The following KLC2 variants were observed in gnomAD, a reference collection of about 807,000 sequenced individuals.
KLC2 encodes the protein kinesin light chain 2.
KLC2 carries 35 observed loss-of-function variants against 75.1 expected under a neutral mutation model. The ratio of observed to expected loss-of-function variants is 0.47; its 90% CI spans 0.36 to 0.62. The LOEUF (loss-of-function observed/expected upper bound fraction) is 0.62. KLC2 is among the 20% of genes least tolerant of loss of function. The pLI, the probability that KLC2 is intolerant of heterozygous loss-of-function variation, is 0.00. For synonymous variants in KLC2, 314 were observed against 336.7 expected (o/e 0.93, Z 0.74); for missense variants, 611 against 833.2 (o/e 0.73, Z 3.28).
rs537111330 is a variant in KLC2 at position 66,265,298 on chromosome 11, T to C, written c.1334+63T>C. On this transcript the variant is annotated intron_variant, in intron 11 of 15. Coordinates refer to ENST00000394067, the MANE Select transcript of KLC2 (RefSeq NM_001318734.2). Reference sequence around the variant, plus strand: ...GCAGGGCGGGCTCCACATTCCATACTCTCACCCCCAACACACCCCTCCTCT... The same window carrying C: ...GCAGGGCGGGCTCCACATTCCATACCCTCACCCCCAACACACCCCTCCTCT... 68 of 1,418,326 alleles carry C rather than the reference T, an allele frequency of 4.8e-5. No homozygotes were observed. In the South Asian group the frequency reaches 7.9e-4, roughly 16 times the overall value. The allele number at this position is 1,418,326 out of a possible 1,614,324, so 87.9% of individuals were successfully genotyped here. A position where few individuals can be genotyped will look rare whatever the true frequency, so the allele number is the denominator to read the frequency against.
chr11:66,257,798 C>G lies in KLC2; in HGVS notation c.-85C>G, dbSNP rs941324699. The G allele has an allele frequency of 6.6e-6, 1 of 152,628 alleles. No homozygotes were observed. Among genetic ancestry groups the G allele is most frequent in the African/African-American group, 2.4e-5 (1 of 41,450 alleles). 9.5% of individuals were successfully genotyped at this position (152,628 alleles called of 1,614,324 possible). On this transcript the variant is annotated 5_prime_UTR_variant, in exon 1 of 16. Coordinates refer to ENST00000394067, the MANE Select transcript of KLC2 (RefSeq NM_001318734.2). ...GGCCGGCGGGATGGAGGCGGCGGGACCGGCTCGCGGGTGCGGGTCCGGGTG... is the reference window on the plus strand; with the variant it reads ...GGCCGGCGGGATGGAGGCGGCGGGAGCGGCTCGCGGGTGCGGGTCCGGGTG...
chr11:66,262,730 A>G (rs931598140), intron 4 of KLC2, 84 bp from the exon 5 acceptor site: 6 of 966,774 alleles, frequency 6.2e-6, no homozygotes, highest in African/African-American at 4.8e-5. Context: ...CCATGTGTCA[A>G]GTGGCTCAAA....
the KLC2 span, among the ~76,000 whole-genome samples, chr11:66,251,857 C>G: frequency 6.6e-6 from 1 of 152,328 alleles, no homozygotes; most frequent in Non-Finnish European, 1.5e-5. Context: ...TTGGACAGGA[C>G]TTAGTGCTAT....
chr11:66,262,743 C>A, intron 4 of KLC2, 71 bp from the exon 5 acceptor site: 1 of 1,156,302 alleles, frequency 8.6e-7, no homozygotes, highest in Non-Finnish European at 1.3e-6. Context: ...GGCTCAAAGG[C>A]ACAGCTGGCA....
Position 66,267,825 on chromosome 11 carries a change from G to C in KLC2, c.*869G>C. ...TGAGGCGGCTGCTCTCATATTTTCA[G>C]ATGTTGCTGTAGAAATAAAGACGGT... On this transcript the variant is annotated 3_prime_UTR_variant, in exon 16 of 16. Transcript: ENST00000394067. 2.3e-6 allele frequency: 1 copy of C among 442,542 alleles called. No individual in the cohort carries two copies. Among genetic ancestry groups the C allele is most frequent in the South Asian group, 5.9e-5 (1 of 16,822 alleles). The allele number at this position is 442,542 out of a possible 1,614,324, so 27.4% of individuals were successfully genotyped here.
At position 66,263,962 on chromosome 11, in the gene KLC2, G is replaced by A. The variant is rs760704011; in HGVS notation, c.942+10G>A. ...GGAGATCCGGGAGAAGGTGGGAACA[G>A]GCAGGGCTGGGCAGGCTGGGGGTCT... On this transcript the variant is annotated intron_variant, in intron 7 of 15. Transcript: ENST00000394067. The A allele has an allele frequency of 2.5e-6, 4 of 1,613,470 alleles. No homozygotes were observed. Among genetic ancestry groups the A allele is most frequent in the African/African-American group, 1.3e-5 (1 of 75,016 alleles).
chr11:66,248,428 T>C, the KLC2 span, among the ~76,000 whole-genome samples: 2 of 152,100 alleles, frequency 1.3e-5, no homozygotes, highest in African/African-American at 4.8e-5. Flanking sequence ...AAGACCAGCC[T>C]AGCCAATGTG....
At position 66,262,977 on chromosome 11, in the gene KLC2, G is replaced by A. The variant is rs371243262; in HGVS notation, c.693G>A (p.Thr231=). ...AGGCACTCGAAGACCTGGAGAAGACGTCAGGCCACGACCACCCTGACGTTG... is the reference window on the plus strand; with the variant it reads ...AGGCACTCGAAGACCTGGAGAAGACATCAGGCCACGACCACCCTGACGTTG... ...CKQALEDLEK[T]SGHDHPDVAT... Residue 231 remains threonine (T), a synonymous_variant, in exon 5 of 16, where the codon ACG becomes ACA. Coordinates refer to ENST00000394067, the MANE Select transcript of KLC2 (RefSeq NM_001318734.2). The A allele has an allele frequency of 1.5e-4, 248 of 1,614,088 alleles. No individual in the cohort carries two copies. Among genetic ancestry groups the A allele is most frequent in the Non-Finnish European group, 1.9e-4 (228 of 1,179,992 alleles).
chr11:66,262,378 C>G lies in KLC2; in HGVS notation c.529+186C>G, dbSNP rs913026735. The G allele has an allele frequency of 2.6e-5, 16 of 608,716 alleles. No individual in the cohort carries two copies. In the East Asian group the frequency reaches 3.9e-4, roughly 15 times the overall value. 37.7% of individuals were successfully genotyped at this position (608,716 alleles called of 1,614,324 possible). A position where few individuals can be genotyped will look rare whatever the true frequency, so the allele number is the denominator to read the frequency against. The stretch of plus-strand genomic sequence containing the variant: ...TCCCCCCAGCTCTGTGGTGAGCAGA[C>G]ATCACAATTAGCTGTGGAGTCACCA... On this transcript the variant is annotated intron_variant, in intron 4 of 15. Coordinates refer to ENST00000394067, the MANE Select transcript of KLC2 (RefSeq NM_001318734.2).
At chr11:66,263,074 G>A (rs770641173) in intron 5 of KLC2, 38 bp downstream of exon 5, 1 of 1,504,858 alleles carries the variant, frequency 6.6e-7, no homozygotes, top group Admixed American at 1.7e-5. Context: ...TCTTCTGGAA[G>A]GCTCCAGCCC....
intron 2 of KLC2, among the ~76,000 whole-genome samples, chr11:66,260,074 G>A (rs540439957): frequency 1.3e-5 from 2 of 152,196 alleles, no homozygotes; most frequent in Non-Finnish European, 2.9e-5. Context: ...TGCCTGGCAC[G>A]TGAACCCTGG....
Position 66,262,753 on chromosome 11 carries a change from A to T in KLC2, c.530-61A>T. 3.2e-6 allele frequency: 4 copies of T among 1,267,190 alleles called. No individual in the cohort carries two copies. The South Asian group carries it at 5.0e-5, about 16-fold the overall frequency. 78.5% of individuals were successfully genotyped at this position (1,267,190 alleles called of 1,614,324 possible). ...CAAGTGGCTCAAAGGCACAGCTGGC[A>T]TGTGCCATCCCAGTCCAGTGGGCAG... On this transcript the variant is annotated intron_variant, in intron 4 of 15. Coordinates refer to ENST00000394067, the MANE Select transcript of KLC2 (RefSeq NM_001318734.2).
At position 66,265,977 on chromosome 11, in the gene KLC2, C is replaced by T. The variant is rs1323157812; in HGVS notation, c.1567C>T (p.Leu523Phe). 2.5e-6 allele frequency: 4 copies of T among 1,610,030 alleles called. No individual in the cohort carries two copies. Among genetic ancestry groups the T allele is most frequent in the South Asian group, 1.1e-5 (1 of 90,796 alleles). The change falls in exon 13 of 16, where the codon CTC becomes TTC. Residue 523 changes from leucine to phenylalanine, a missense_variant. By Grantham distance (22) the Leu-to-Phe change is conservative. Coordinates refer to ENST00000394067, the MANE Select transcript of KLC2 (RefSeq NM_001318734.2). The stretch of plus-strand genomic sequence containing the variant: ...TGCCGGGCCTCGGTCTGAGTCTGAC[C>T]TCGAGGACGTGGGACCTACAGCTGA... ...GGAGPRSESD[L>F]EDVGPTAEWN...
upstream of KLC2, among the ~76,000 whole-genome samples, chr11:66,254,764 A>G (rs377590997): frequency 6.6e-6 from 1 of 151,700 alleles, no homozygotes; most frequent in African/African-American, 2.4e-5. Context: ...TATCTCTACT[A>G]AAAACACAAA....
chr11:66,244,873 A>G, the KLC2 span: 4 of 152,308 alleles, frequency 2.6e-5, no homozygotes, highest in African/African-American at 9.6e-5. Flanking sequence ...CATGTTCTCA[A>G]TCATGGAAAC....
the KLC2 span, among the ~76,000 whole-genome samples, chr11:66,251,722 A>G: frequency 6.6e-6 from 1 of 152,210 alleles, no homozygotes; most frequent in Admixed American, 6.5e-5. Flanking sequence ...CAGTGAGCCG[A>G]GACAATGCCA....
chr11:66,245,936 C>T, the KLC2 span, among the ~76,000 whole-genome samples: 1 of 152,212 alleles, frequency 6.6e-6, no homozygotes, highest in Non-Finnish European at 1.5e-5. Context: ...CGCTTGGCAT[C>T]CTTGCCCTAC....
At chr11:66,260,131 G>A (rs905119110) in intron 2 of KLC2, among the ~76,000 whole-genome samples, 1 of 151,838 alleles carries the variant, frequency 6.6e-6, no homozygotes, top group Admixed American at 6.6e-5. Flanking sequence ...TAGGGATCAT[G>A]CCATCTGCTG....
upstream of KLC2, among the ~76,000 whole-genome samples, chr11:66,254,450 G>T (rs144263145): frequency 6.4e-4 from 97 of 151,924 alleles, no homozygotes; most frequent in African/African-American, 2.1e-3. Flanking sequence ...ATGATCGCTT[G>T]ATCCCAGTAG....
Sources: allele counts gnomAD v4.1 joint callset (sites outside exome capture counted in the v4.1 genomes callset), GRCh38; gene constraint gnomAD v4.1.1; transcripts MANE v1.5; gene names NCBI Gene and HGNC (gene_info 2026-07-23, HGNC 2026-07-21).